Variants in OPCML observed in about 807,000 individuals in gnomAD.
OPCML encodes opioid-binding protein/cell adhesion molecule.
In OPCML, 13 loss-of-function variants were observed where a neutral mutation model predicts 37.8. The observed-to-expected ratio is 0.34, with a 90% CI of 0.22 to 0.55. The LOEUF (loss-of-function observed/expected upper bound fraction) is 0.55, where lower values mean the gene tolerates loss of function less well. Among genes scored for constraint, OPCML ranks in the 20% least tolerant of loss-of-function variants. The pLI is 0.91. For missense variants in OPCML, 341 were observed against 435.6 expected, an observed-to-expected ratio of 0.78 and a Z score of 1.93; for synonymous variants, 176 against 168.8, an observed-to-expected ratio of 1.04 and a Z score of -0.33.
chr11:132,914,418 T>C (rs1345991440), intron 2 of OPCML, among the ~76,000 whole-genome samples: 1 of 152,232 alleles, frequency 6.6e-6, no homozygotes, highest in African/African-American at 2.4e-5. Context: ...TCCAATATAA[T>C]ATTTATGGAC....
At chr11:132,955,869 C>A (rs1482923661) in intron 1 of OPCML, among the ~76,000 whole-genome samples, 1 of 152,146 alleles carries the variant, frequency 6.6e-6, no homozygotes, top group Non-Finnish European at 1.5e-5. Flanking sequence ...GATGACAGAG[C>A]AAGACACCAT....
intron 4 of OPCML, among the ~76,000 whole-genome samples, chr11:132,527,813 G>A (rs908138253): frequency 4.6e-5 from 7 of 152,106 alleles, no homozygotes; most frequent in Non-Finnish European, 1.0e-4. Flanking sequence ...AAGTTAAAAC[G>A]AAGTTACTCG....
intron 2 of OPCML, among the ~76,000 whole-genome samples, chr11:132,681,891 C>T (rs1283005493): frequency 6.6e-6 from 1 of 151,646 alleles, no homozygotes; most frequent in African/African-American, 2.4e-5. Flanking sequence ...GGAGGTGGAG[C>T]TTGCAGTGAG....
At chr11:132,593,839 G>A (rs2096488446) in intron 3 of OPCML, among the ~76,000 whole-genome samples, 1 of 152,138 alleles carries the variant, frequency 6.6e-6, no homozygotes, top group Non-Finnish European at 1.5e-5. Flanking sequence ...ATCAATTCTA[G>A]GAGAAAGAAT....
chr11:133,140,186 C>CAATAATAATAATAATAAT (rs59577218), intron 1 of OPCML, among the ~76,000 whole-genome samples: 9 of 124,804 alleles, frequency 7.2e-5, no homozygotes, highest in South Asian at 3.0e-4. Flanking sequence ...GACTCCGTCT[C>CAATAATAATAATAATAAT]AATAATAATA....
chr11:133,157,272 G>A (rs145652029), intron 1 of OPCML, among the ~76,000 whole-genome samples: 95 of 152,214 alleles, frequency 6.2e-4, no homozygotes, highest in East Asian at 3.3e-3. Flanking sequence ...TAAAAGCTGC[G>A]GATAAAACTT....
chr11:132,637,446 T>G (rs955481684), intron 3 of OPCML, among the ~76,000 whole-genome samples: 18 of 152,130 alleles, frequency 1.2e-4, no homozygotes, highest in African/African-American at 4.3e-4. Flanking sequence ...GTGGCCACAG[T>G]TACTACTCTT....
At chr11:132,577,983 C>A (rs1232063118) in intron 3 of OPCML, among the ~76,000 whole-genome samples, 2 of 151,992 alleles carry the variant, frequency 1.3e-5, no homozygotes, top group Non-Finnish European at 2.9e-5. Flanking sequence ...TAGAGCCCAA[C>A]AGGTTACTAT....
intron 4 of OPCML, among the ~76,000 whole-genome samples, chr11:132,505,496 A>T (rs1482457836): frequency 2.0e-5 from 3 of 146,398 alleles, no homozygotes; most frequent in African/African-American, 7.4e-5. Context: ...TACAGCCTTC[A>T]GGAAAAGGCT....
intron 1 of OPCML, among the ~76,000 whole-genome samples, chr11:133,291,465 G>A (rs1419687178): frequency 6.6e-6 from 1 of 152,154 alleles, no homozygotes; most frequent in African/African-American, 2.4e-5. Flanking sequence ...TGCTGCTGGT[G>A]GGCACCCCTC....
At chr11:132,719,367 T>C (rs147984335) in intron 2 of OPCML, among the ~76,000 whole-genome samples, 7 of 152,336 alleles carry the variant, frequency 4.6e-5, no homozygotes, top group Non-Finnish European at 7.3e-5. Flanking sequence ...TCTTCTGAGT[T>C]CAGGATTCAT....
intron 3 of OPCML, among the ~76,000 whole-genome samples, chr11:132,549,092 G>T (rs191943169): frequency 3.3e-4 from 50 of 152,178 alleles, no homozygotes; most frequent in African/African-American, 1.1e-3. Context: ...GAGATAAGAG[G>T]TCCTGACACA....
intron 1 of OPCML, among the ~76,000 whole-genome samples, chr11:133,175,750 C>A (rs1407462829): frequency 2.6e-5 from 4 of 151,368 alleles, no homozygotes; most frequent in Non-Finnish European, 5.9e-5. Context: ...ATGCACGATG[C>A]AGATGGATAC....
chr11:132,631,633 T>A (rs975286893), intron 3 of OPCML, among the ~76,000 whole-genome samples: 4 of 151,276 alleles, frequency 2.6e-5, no homozygotes, highest in East Asian at 1.9e-4. Context: ...CTAATTTTTT[T>A]TTTTTATTTT....
At chr11:132,479,466 C>T (rs1378382551) in intron 4 of OPCML, among the ~76,000 whole-genome samples, 1 of 152,206 alleles carries the variant, frequency 6.6e-6, no homozygotes, top group African/African-American at 2.4e-5. Flanking sequence ...CCACCATTGC[C>T]CAGGCTTGCT....
intron 2 of OPCML, among the ~76,000 whole-genome samples, chr11:132,717,789 T>C (rs950448359): frequency 6.6e-6 from 1 of 152,246 alleles, no homozygotes; most frequent in East Asian, 1.9e-4. Context: ...TCCCTCTCTA[T>C]GAGGGAAACA....
At chr11:133,451,174 A>G (rs1946573998) in intron 1 of OPCML, among the ~76,000 whole-genome samples, 2 of 151,860 alleles carry the variant, frequency 1.3e-5, no homozygotes, top group African/African-American at 2.4e-5. Context: ...ATGAAGGAGT[A>G]GCTTCTAACA....
At chr11:132,424,858 C>T (rs140355513) in intron 7 of OPCML, among the ~76,000 whole-genome samples, 11 of 152,296 alleles carry the variant, frequency 7.2e-5, no homozygotes, top group African/African-American at 2.6e-4. Flanking sequence ...GAGACTAATA[C>T]TAGCTTGTTT....
intron 1 of OPCML, chr11:133,026,087 G>C: frequency 1.0e-6 from 1 of 985,096 alleles, no homozygotes; most frequent in Non-Finnish European, 1.2e-6. Flanking sequence ...TTGATGAGAA[G>C]TTTGGGCATA....
Sources: gnomAD v4.1 joint callset for allele counts (sites outside exome capture counted in the v4.1 genomes callset) on GRCh38, gnomAD v4.1.1 for gene constraint, MANE v1.5 for transcripts, NCBI Gene and HGNC (gene_info 2026-07-23, HGNC 2026-07-21) for gene names.